The following ATXN7 variants were observed in gnomAD, a reference collection of about 807,000 sequenced individuals.
ATXN7 encodes ataxin 7.
ATXN7 carries 12 observed loss-of-function variants against 70.5 expected under a neutral mutation model. That is an observed-to-expected ratio of 0.17 (90% CI 0.11 to 0.28). The LOEUF (loss-of-function observed/expected upper bound fraction) is 0.28. Ranked by LOEUF, ATXN7 falls within the 10% of genes least tolerant of loss-of-function variation. The probability of loss-of-function intolerance (pLI) is 1.00; values close to 1 mark genes in which losing one functional copy is unlikely to be tolerated. For missense variants in ATXN7, 1,256 were observed against 1,131.7 expected, an observed-to-expected ratio of 1.11 and a Z score of -1.58; for synonymous variants, 498 against 448.7, an observed-to-expected ratio of 1.11 and a Z score of -1.39.
chr3:63,963,001 C>G (rs2075157479), intron 5 of ATXN7, among the ~76,000 whole-genome samples: 1 of 151,584 alleles, frequency 6.6e-6, no homozygotes, highest in Admixed American at 6.6e-5. Context: ...CTGTAACCCC[C>G]ACCTCCCGGG....
intron 2 of ATXN7, among the ~76,000 whole-genome samples, chr3:63,906,053 G>A (rs1278570310): frequency 6.6e-6 from 1 of 152,098 alleles, no homozygotes; most frequent in Non-Finnish European, 1.5e-5. Flanking sequence ...GAGGAGAGGA[G>A]GACAGGTAAC....
chr3:63,999,550 A>T lies in ATXN7; in HGVS notation c.*83A>T. The T allele has an allele frequency of 6.3e-7, 1 of 1,591,032 alleles. No individual in the cohort carries two copies. The highest frequency in any genetic ancestry group is 8.6e-7 in the Non-Finnish European group (1 of 1,166,962). On this transcript the variant is annotated 3_prime_UTR_variant, in exon 13 of 13. Coordinates refer to ENST00000674280, the MANE Select transcript of ATXN7 (RefSeq NM_001377405.1). ...TCCACTCAGCACTCTGGACTCCACG[A>T]TGCCTTTGAGTCTGTTTTCCCAACC...
At chr3:63,967,669 C>A in intron 5 of ATXN7, 1 of 836,100 alleles carries the variant, frequency 1.2e-6, no homozygotes, top group Non-Finnish European at 1.6e-6. Flanking sequence ...AGTTGCCTTT[C>A]CAATAGAAAG....
At chr3:63,888,151 TAAG>T (rs1010326616) in intron 1 of ATXN7, among the ~76,000 whole-genome samples, 8 of 152,166 alleles carry the variant, frequency 5.3e-5, no homozygotes, top group Non-Finnish European at 1.0e-4. Context: ...AGTCAGATGA[TAAG>T]AGATTTTTAC....
intron 5 of ATXN7, among the ~76,000 whole-genome samples, chr3:63,975,534 T>C (rs891138128): frequency 1.2e-4 from 19 of 152,224 alleles, no homozygotes; most frequent in Non-Finnish European, 2.1e-4. Flanking sequence ...TTTTTAGATT[T>C]GTGCCCTAAT....
chr3:63,952,970 TA>T (rs1314927471), intron 5 of ATXN7, among the ~76,000 whole-genome samples: 1 of 151,628 alleles, frequency 6.6e-6, no homozygotes, highest in Non-Finnish European at 1.5e-5. Flanking sequence ...ATAATGCCTT[TA>T]AAGTGTTTAA....
chr3:63,876,123 T>C (rs1702742958), intron 1 of ATXN7, among the ~76,000 whole-genome samples: 1 of 152,224 alleles, frequency 6.6e-6, no homozygotes, highest in Non-Finnish European at 1.5e-5. Context: ...TGTCTTATGG[T>C]TTTTGTAGAT....
chr3:63,982,135 G>C, intron 6 of ATXN7, 51 bp from the exon 7 acceptor site: 1 of 1,610,772 alleles, frequency 6.2e-7, no homozygotes, highest in East Asian at 2.2e-5. Context: ...CATTCACCTG[G>C]GGGCTGCTGA....
At chr3:63,866,754 GTCT>G (rs1284206916) in intron 1 of ATXN7, 7 of 152,130 alleles carry the variant, frequency 4.6e-5, no homozygotes, top group Admixed American at 2.6e-4. Flanking sequence ...TTTACAAGTG[GTCT>G]TCTTTTTACA....
chr3:63,937,553 A>G (rs1441277773), intron 4 of ATXN7, among the ~76,000 whole-genome samples: 2 of 152,240 alleles, frequency 1.3e-5, no homozygotes, highest in East Asian at 3.8e-4. Context: ...GAATAGTTTT[A>G]CATACACAAG....
At chr3:63,942,532 G>T (rs2074788330) in intron 4 of ATXN7, among the ~76,000 whole-genome samples, 1 of 152,030 alleles carries the variant, frequency 6.6e-6, no homozygotes, top group African/African-American at 2.4e-5. Context: ...CCAATACCTT[G>T]AATAGTGCCT....
intron 5 of ATXN7, among the ~76,000 whole-genome samples, chr3:63,958,930 T>A (rs1042432959): frequency 9.2e-5 from 14 of 152,132 alleles, no homozygotes; most frequent in Non-Finnish European, 1.0e-4. Flanking sequence ...GTAAAAAAAA[T>A]TCGGAGACAA....
intron 4 of ATXN7, among the ~76,000 whole-genome samples, chr3:63,951,910 T>G (rs1312351971): frequency 6.6e-6 from 1 of 152,206 alleles, no homozygotes; most frequent in East Asian, 1.9e-4. Flanking sequence ...TAATTTTCTT[T>G]ATATGACATG....
At chr3:63,872,468 T>C (rs947953717) in intron 1 of ATXN7, among the ~76,000 whole-genome samples, 1 of 152,162 alleles carries the variant, frequency 6.6e-6, no homozygotes, top group Non-Finnish European at 1.5e-5. Context: ...TCTCATCTTC[T>C]AGCAGCCTAG....
intron 4 of ATXN7, among the ~76,000 whole-genome samples, chr3:63,947,088 TTG>T (rs528836622): frequency 2.4e-4 from 36 of 152,140 alleles, no homozygotes; most frequent in Non-Finnish European, 4.3e-4. Context: ...ATATACTAGT[TTG>T]TGAGATTTCA....
In ATXN7 at chr3:63,982,368, T is replaced by C. The variant is rs2106760625; in HGVS notation, c.935T>C (p.Leu312Pro). 1 of 1,614,080 alleles carries C rather than the reference T, an allele frequency of 6.2e-7. No homozygotes were observed. The highest frequency in any genetic ancestry group is 8.5e-7 in the Non-Finnish European group (1 of 1,179,966). ...GGACAGATTCTGAATGGCAAAGGGCTTCCTGCACCGCCCACTCTGGAAAAG... is the reference window on the plus strand; with the variant it reads ...GGACAGATTCTGAATGGCAAAGGGCCTCCTGCACCGCCCACTCTGGAAAAG... ...SPGQILNGKG[L>P]PAPPTLEKKP... Residue 312 changes from leucine to proline, a missense_variant, in exon 7 of 13, where the codon CTT (leucine) becomes CCT (proline). Physicochemically the swap from Leu to Pro is moderately conservative, Grantham distance 98. Transcript: ENST00000674280.
chr3:63,985,756 A>G (rs1429904520), intron 8 of ATXN7, among the ~76,000 whole-genome samples: 1 of 152,110 alleles, frequency 6.6e-6, no homozygotes, highest in Non-Finnish European at 1.5e-5. Flanking sequence ...TTCCACGCGG[A>G]GAGATTTGTG....
At chr3:63,899,742 T>G (rs910692697) in intron 2 of ATXN7, among the ~76,000 whole-genome samples, 6 of 152,150 alleles carry the variant, frequency 3.9e-5, no homozygotes, top group Non-Finnish European at 7.3e-5. Flanking sequence ...GCCTCCCGAC[T>G]AGCTGGGACT....
chr3:63,995,547 A>G lies in ATXN7; in HGVS notation c.1725A>G (p.Thr575=). 3 of 1,614,112 alleles carry G rather than the reference A, an allele frequency of 1.9e-6. No homozygotes were observed. The highest frequency in any genetic ancestry group is 2.5e-6 in the Non-Finnish European group (3 of 1,180,002). The change falls in exon 12 of 13, where the codon ACA becomes ACG. Residue 575 remains threonine, a synonymous_variant. Transcript: ENST00000674280. ...PVPSTTSPIS[T]RIPHRTNSVP... ...CCAGTACCACCTCACCCATCTCCAC[A>G]CGTATTCCTCACCGGACAAACTCTG...
Sources: allele counts gnomAD v4.1 joint callset (sites outside exome capture counted in the v4.1 genomes callset), GRCh38; gene constraint gnomAD v4.1.1; transcripts MANE v1.5; gene names NCBI Gene and HGNC (gene_info 2026-07-23, HGNC 2026-07-21).